The following DIP2C variants were observed in gnomAD, a reference collection of about 807,000 sequenced individuals.
The protein encoded by DIP2C is DIP2 acetate--CoA ligase C (putative), also known as disco-interacting protein 2 homolog C.
DIP2C carries 33 observed loss-of-function variants against 192.4 expected under a neutral mutation model. The observed-to-expected ratio is 0.17, with a 90% confidence interval of 0.13 to 0.23. The LOEUF is 0.23. Among genes scored for constraint, DIP2C ranks in the 10% least tolerant of loss-of-function variants. DIP2C has a pLI of 1.00. For missense variants in DIP2C, 1,537 were observed against 2,110.1 expected (o/e 0.73, Z 5.32); for synonymous variants, 979 against 864.1 (o/e 1.13, Z -2.33).
intron 17 of DIP2C, among the ~76,000 whole-genome samples, chr10:375,584 CAT>C (rs1225086024): frequency 6.6e-6 from 1 of 152,228 alleles, no homozygotes; most frequent in African/African-American, 2.4e-5. Flanking sequence ...ACTGACTTGT[CAT>C]AGCATTTCCA....
rs770253042 is a variant in DIP2C at position 598,922 on chromosome 10, A to G, written c.85+90572T>C. Among the ~76,000 whole-genome samples, 5 of 152,246 alleles carry G rather than the reference A, an allele frequency of 3.3e-5. No individual in the cohort carries two copies. In the East Asian group the frequency reaches 9.6e-4, roughly 29 times the overall value. On this transcript the variant is annotated intron_variant, in intron 1 of 36. Coordinates refer to ENST00000280886, the MANE Select transcript of DIP2C (RefSeq NM_014974.3). ...AGTTACTTTTCTGTTAAAAGTAGAA[A>G]AGACTGCCTCAAGGAACATCCTTCC...
At chr10:336,734 C>T (rs959173463) in intron 29 of DIP2C, among the ~76,000 whole-genome samples, 8 of 152,308 alleles carry the variant, frequency 5.3e-5, no homozygotes, top group African/African-American at 9.6e-5. Flanking sequence ...ATCATGGCTC[C>T]GTCTGCGTCC....
At chr10:565,540 AAG>A (rs1392046235) in intron 1 of DIP2C, among the ~76,000 whole-genome samples, 4 of 152,152 alleles carry the variant, frequency 2.6e-5, no homozygotes, top group East Asian at 1.9e-4. Context: ...TTCCAATCGT[AAG>A]AGAGGCATTT....
intron 1 of DIP2C, among the ~76,000 whole-genome samples, chr10:597,071 A>C (rs138078102): frequency 6.6e-6 from 1 of 152,276 alleles, no homozygotes; most frequent in East Asian, 1.9e-4. Flanking sequence ...CATCCTCGCC[A>C]GTGTAGGGGG....
At chr10:378,664 T>C (rs1589655244) in intron 17 of DIP2C, among the ~76,000 whole-genome samples, 1 of 150,106 alleles carries the variant, frequency 6.7e-6, no homozygotes, top group South Asian at 2.1e-4. Flanking sequence ...TGAACAGATA[T>C]GCCTAGGCAC....
intron 3 of DIP2C, among the ~76,000 whole-genome samples, chr10:464,965 G>C (rs1405264265): frequency 1.3e-5 from 2 of 150,756 alleles, no homozygotes; most frequent in Non-Finnish European, 2.9e-5. Flanking sequence ...GGTACAAGGA[G>C]GAACTGGTAC....
At chr10:360,467 G>T (rs769545523) in intron 22 of DIP2C, among the ~76,000 whole-genome samples, 1 of 152,166 alleles carries the variant, frequency 6.6e-6, no homozygotes, top group Non-Finnish European at 1.5e-5. Context: ...GTCGGCAGCC[G>T]CATCGCTGGT....
At position 288,351 on chromosome 10, in the gene DIP2C, C is replaced by T. The variant is rs753171769; in HGVS notation, c.4044+13G>A. On this transcript the variant is annotated intron_variant, in intron 33 of 36. Coordinates refer to ENST00000280886, the MANE Select transcript of DIP2C (RefSeq NM_014974.3). ...CGGATACAGAAATGCGTGCCTCTTC[C>T]TATAATACTTACCTTTCCCGATTCC... 1 of 1,613,548 alleles carries T rather than the reference C, an allele frequency of 6.2e-7. No individual in the cohort carries two copies.
intron 1 of DIP2C, among the ~76,000 whole-genome samples, chr10:609,788 C>A (rs1378652779): frequency 6.6e-6 from 1 of 152,174 alleles, no homozygotes; most frequent in African/African-American, 2.4e-5. Flanking sequence ...CTAACTGCAT[C>A]TTTGGATCTT....
At position 363,046 on chromosome 10, in the gene DIP2C, G is replaced by C. The variant is rs1959725712; in HGVS notation, c.2592+151C>G. 1 of 673,246 alleles carries C rather than the reference G, an allele frequency of 1.5e-6. No homozygotes were observed. The allele number at this position is 673,246 out of a possible 1,614,324, so 41.7% of individuals were successfully genotyped here. On this transcript the variant is annotated intron_variant, in intron 21 of 36. Transcript: ENST00000280886. This position sits in a 1 kb window ranked among gnomAD's most constrained non-coding sequence, Gnocchi z 5.4. Reference sequence around the variant, plus strand: ...CCTCGATCTGCTGAGCTAGTTTCTGGACACTTGATGTAGTTCCTGATCAAA... The same window carrying C: ...CCTCGATCTGCTGAGCTAGTTTCTGCACACTTGATGTAGTTCCTGATCAAA...
chr10:545,486 GAC>G (rs566035514), intron 1 of DIP2C, among the ~76,000 whole-genome samples: 70 of 152,222 alleles, frequency 4.6e-4, no homozygotes, highest in East Asian at 3.3e-3. Flanking sequence ...AGAGAATTTA[GAC>G]ACACAGAGTC....
intron 1 of DIP2C, among the ~76,000 whole-genome samples, chr10:489,850 G>A (rs1251379074): frequency 9.2e-6 from 1 of 109,086 alleles, no homozygotes; most frequent in Non-Finnish European, 1.9e-5. Flanking sequence ...GGGACACGGT[G>A]GCTCTGACAG....
intron 1 of DIP2C, chr10:662,076 C>T (rs964524263): frequency 5.6e-6 from 4 of 717,368 alleles, no homozygotes; most frequent in Admixed American, 2.0e-5. Flanking sequence ...ATCAAAGGCA[C>T]GATTCTCTCC....
chr10:500,836 A>G (rs1211590611), intron 1 of DIP2C, among the ~76,000 whole-genome samples: 1 of 152,214 alleles, frequency 6.6e-6, no homozygotes, highest in Non-Finnish European at 1.5e-5. Flanking sequence ...GTCTCCCCCC[A>G]TAGGTTTCAG....
intron 1 of DIP2C, among the ~76,000 whole-genome samples, chr10:547,964 C>G (rs555796390): frequency 6.3e-4 from 96 of 152,282 alleles, no homozygotes; most frequent in Non-Finnish European, 1.2e-3. Flanking sequence ...GTTCTGCCTT[C>G]AAATGCAGCT....
At chr10:540,700 T>C (rs1263536194) in intron 1 of DIP2C, among the ~76,000 whole-genome samples, 1 of 152,204 alleles carries the variant, frequency 6.6e-6, no homozygotes, top group Non-Finnish European at 1.5e-5. Flanking sequence ...CACAGTGCTA[T>C]GTAATTTTAC....
rs1261495548 is a variant in DIP2C at position 636,442 on chromosome 10, G to A, written c.85+53052C>T. ...TCTCTCTCTGTAGATTATACAGAGA[G>A]ACAGATTCGTTTCTCCTCTGGAGCC... On this transcript the variant is annotated intron_variant, in intron 1 of 36. Coordinates refer to ENST00000280886, the MANE Select transcript of DIP2C (RefSeq NM_014974.3). This position sits in a 1 kb window ranked among gnomAD's most constrained non-coding sequence, Gnocchi z 4.6. 6.6e-6 allele frequency among the ~76,000 whole-genome samples: 1 copy of A among 152,150 alleles called. No individual in the cohort carries two copies. Among genetic ancestry groups the A allele is most frequent in the African/African-American group, 2.4e-5 (1 of 41,440 alleles).
intron 11 of DIP2C, 120 bp from the exon 12 acceptor site, chr10:390,493 CG>C (rs1421973930): frequency 1.8e-6 from 2 of 1,107,620 alleles, no homozygotes; most frequent in African/African-American, 3.1e-5. Flanking sequence ...CTGGTGTCTC[CG>C]GACTTCACGA....
At chr10:677,052 AG>A (rs1179104584) in intron 1 of DIP2C, among the ~76,000 whole-genome samples, 1 of 152,250 alleles carries the variant, frequency 6.6e-6, no homozygotes, top group Non-Finnish European at 1.5e-5. Flanking sequence ...TGTATCCCAT[AG>A]ATATGTACTA....
Sources: gnomAD v4.1 joint callset for allele counts (sites outside exome capture counted in the v4.1 genomes callset) on GRCh38, gnomAD v4.1.1 for gene constraint, Gnocchi (gnomAD v3.1) non-coding constraint, MANE v1.5 for transcripts, NCBI Gene and HGNC (gene_info 2026-07-23, HGNC 2026-07-21) for gene names.